The following IGF1R variants were observed in gnomAD, a reference collection of about 807,000 sequenced individuals.
The protein encoded by IGF1R is insulin-like growth factor 1 receptor.
Under a neutral mutation model 144.6 loss-of-function variants are expected in IGF1R, and 44 were observed. The ratio of observed to expected loss-of-function variants is 0.30; its 90% CI spans 0.24 to 0.39. The LOEUF is 0.39. Among genes scored for constraint, IGF1R ranks in the 10% least tolerant of loss-of-function variants. The pLI, the probability that IGF1R is intolerant of heterozygous loss-of-function variation, is 1.00. For synonymous variants in IGF1R, 795 were observed against 722.8 expected, an observed-to-expected ratio of 1.10 and a Z score of -1.60; for missense variants, 1,355 against 1,833.7, an observed-to-expected ratio of 0.74 and a Z score of 4.77.
intron 2 of IGF1R, among the ~76,000 whole-genome samples, chr15:98,748,405 C>T (rs1400543217): frequency 1.3e-5 from 2 of 152,114 alleles, no homozygotes; most frequent in Non-Finnish European, 2.9e-5. Flanking sequence ...AAACTCCTGG[C>T]CTCAAGTGAT....
At chr15:98,678,916 A>G (rs1441799623) in intron 1 of IGF1R, among the ~76,000 whole-genome samples, 3 of 107,674 alleles carry the variant, frequency 2.8e-5, no homozygotes, top group Non-Finnish European at 5.5e-5. Context: ...CTTTCCTCTG[A>G]TGCTCTTTTT....
chr15:98,848,658 A>T (rs769455034), intron 2 of IGF1R, among the ~76,000 whole-genome samples: 2 of 152,168 alleles, frequency 1.3e-5, no homozygotes, highest in African/African-American at 4.8e-5. Flanking sequence ...CCAACTCAGA[A>T]TGTATTGCTT....
intron 17 of IGF1R, among the ~76,000 whole-genome samples, chr15:98,938,846 T>C (rs949605028): frequency 1.3e-5 from 2 of 152,338 alleles, no homozygotes; most frequent in East Asian, 1.9e-4. Context: ...AAGGAACATA[T>C]AAACAAATAG....
At chr15:98,823,393 C>T (rs749871136) in intron 2 of IGF1R, among the ~76,000 whole-genome samples, 1 of 152,206 alleles carries the variant, frequency 6.6e-6, no homozygotes, top group Non-Finnish European at 1.5e-5. Flanking sequence ...AAGCTGTTTC[C>T]CTCTTCCCCT....
chr15:98,719,471 A>G (rs970794469), intron 2 of IGF1R, among the ~76,000 whole-genome samples: 2 of 152,152 alleles, frequency 1.3e-5, no homozygotes, highest in African/African-American at 4.8e-5. Context: ...AGGGGGGAAA[A>G]AGATCCTCCT....
chr15:98,712,793 A>G (rs1489436436), intron 2 of IGF1R, among the ~76,000 whole-genome samples: 1 of 151,316 alleles, frequency 6.6e-6, no homozygotes, highest in Non-Finnish European at 1.5e-5. Flanking sequence ...TATTTTTAGT[A>G]GAGACGGGGT....
Position 98,648,997 on chromosome 15 carries a change from G to T in IGF1R, c.-585G>T. 4.6e-6 allele frequency: 1 copy of T among 215,686 alleles called. No homozygotes were observed. The highest frequency in any genetic ancestry group is 1.7e-4 in the South Asian group (1 of 5,998). The allele number at this position is 215,686 out of a possible 1,614,324, so 13.4% of individuals were successfully genotyped here. A position where few individuals can be genotyped will look rare whatever the true frequency, so the allele number is the denominator to read the frequency against. On this transcript the variant is annotated 5_prime_UTR_variant, in exon 1 of 21. Transcript: ENST00000650285. ...GGAAGGAGCTCGCCGCGGCGGCGGCGGCGCTGAGGGAGGAGGCGGCGGCGA... is the reference window on the plus strand; with the variant it reads ...GGAAGGAGCTCGCCGCGGCGGCGGCTGCGCTGAGGGAGGAGGCGGCGGCGA...
intron 3 of IGF1R, among the ~76,000 whole-genome samples, chr15:98,894,773 T>G (rs1404035005): frequency 6.6e-6 from 1 of 152,100 alleles, no homozygotes; most frequent in Non-Finnish European, 1.5e-5. Context: ...TCACAGTGGC[T>G]CATACCTATC....
rs2141154005 is a variant in IGF1R, at chr15:98,649,332, G to T, written c.-250G>T. ...CCGCCCCGGCGCGCCTCGGGTTCCC[G>T]ACTCCGCCGAGCCCTGGGCCGCTGC... On this transcript the variant is annotated 5_prime_UTR_variant, in exon 1 of 21. Coordinates refer to ENST00000650285, the MANE Select transcript of IGF1R (RefSeq NM_000875.5). The T allele has an allele frequency of 4.8e-6, 1 of 210,220 alleles. No homozygotes were observed. Among genetic ancestry groups the T allele is most frequent in the South Asian group, 1.8e-4 (1 of 5,560 alleles). The allele number at this position is 210,220 out of a possible 1,614,324, so 13.0% of individuals were successfully genotyped here.
chr15:98,912,919 AATTG>A, intron 7 of IGF1R, 121 bp from the exon 8 acceptor site: 1 of 698,316 alleles, frequency 1.4e-6, no homozygotes, highest in East Asian at 2.7e-5. Flanking sequence ...ATAAAAGTCT[AATTG>A]ATTATTTGTT....
At chr15:98,894,945 C>T (rs574029898) in intron 3 of IGF1R, among the ~76,000 whole-genome samples, 73 of 150,738 alleles carry the variant, frequency 4.8e-4, no homozygotes, top group South Asian at 1.9e-3. Context: ...CACTTGAACC[C>T]AGGAGGTGGA....
At chr15:98,881,565 C>A (rs1473101253) in intron 2 of IGF1R, among the ~76,000 whole-genome samples, 1 of 152,194 alleles carries the variant, frequency 6.6e-6, no homozygotes, top group Admixed American at 6.5e-5. Flanking sequence ...TCAGGTGATC[C>A]ACCCGTCTCG....
At chr15:98,774,627 A>G (rs904319287) in intron 2 of IGF1R, among the ~76,000 whole-genome samples, 3 of 141,514 alleles carry the variant, frequency 2.1e-5, no homozygotes, top group Non-Finnish European at 3.1e-5. Flanking sequence ...GATTTCATTT[A>G]GATGAGGTTC....
chr15:98,767,862 A>G (rs72769824), intron 2 of IGF1R, among the ~76,000 whole-genome samples: 8,646 of 152,122 alleles, frequency 0.057, 285 homozygotes, highest in Middle Eastern at 0.13. Context: ...TCTCCCAAGC[A>G]TCTTACCTCC....
At chr15:98,863,175 T>A (rs570370763) in intron 2 of IGF1R, among the ~76,000 whole-genome samples, 3 of 152,218 alleles carry the variant, frequency 2.0e-5, no homozygotes, top group Non-Finnish European at 4.4e-5. Context: ...TTAGAGTTTG[T>A]GGATGTTTCC....
In IGF1R at chr15:98,922,270, A is replaced by G; in HGVS notation, c.2324A>G (p.Tyr775Cys). 1 of 1,614,180 alleles carries G rather than the reference A, an allele frequency of 6.2e-7. No individual in the cohort carries two copies. The highest frequency in any genetic ancestry group is 8.5e-7 in the Non-Finnish European group (1 of 1,180,028). Residue 775 changes from tyrosine to cysteine, a missense_variant, in exon 11 of 21, where the codon TAC becomes TGC. Physicochemically the swap from Tyr to Cys is radical, Grantham distance 194 (BLOSUM62 -2). Transcript: ENST00000650285. ...GACCCGGAAGAGCTGGAGACAGAGT[A>G]CCCTTTCTTTGAGAGCAGAGTGGAT... Reference protein sequence around the residue: ...ITDPEELETEYPFFESRVDNK... With the variant: ...ITDPEELETECPFFESRVDNK...
intron 5 of IGF1R, among the ~76,000 whole-genome samples, chr15:98,907,659 CG>C (rs1334351332): frequency 2.0e-5 from 3 of 152,212 alleles, no homozygotes; most frequent in Admixed American, 1.3e-4. Context: ...AGGCCCACTG[CG>C]GGGATCTTTC....
intron 2 of IGF1R, among the ~76,000 whole-genome samples, chr15:98,756,381 C>G (rs1375913356): frequency 6.6e-6 from 1 of 151,626 alleles, no homozygotes; most frequent in African/African-American, 2.4e-5. Flanking sequence ...TTCTGTTCAG[C>G]TTTTAAGCCT....
intron 1 of IGF1R, among the ~76,000 whole-genome samples, chr15:98,657,615 G>A (rs2052515760): frequency 6.6e-6 from 1 of 152,180 alleles, no homozygotes; most frequent in African/African-American, 2.4e-5. Flanking sequence ...TAGTTCTGTT[G>A]TCTGATTTCT....
Sources: gnomAD v4.1 joint callset for allele counts (sites outside exome capture counted in the v4.1 genomes callset) on GRCh38, gnomAD v4.1.1 for gene constraint, MANE v1.5 for transcripts, NCBI Gene and HGNC (gene_info 2026-07-23, HGNC 2026-07-21) for gene names.